The following MAGT1 variants were observed in gnomAD, a reference collection of about 807,000 sequenced individuals.
MAGT1 encodes dolichyl-diphosphooligosaccharide--protein glycosyltransferase subunit MAGT1.
MAGT1 carries 4 observed loss-of-function variants against 28.4 expected under a neutral mutation model. The observed-to-expected ratio is 0.14, with a 90% CI of 0.07 to 0.32. The LOEUF (loss-of-function observed/expected upper bound fraction) is 0.32, where lower values mean the gene tolerates loss of function less well. Ranked by LOEUF, MAGT1 falls within the 10% of genes least tolerant of loss-of-function variation. MAGT1 has a pLI of 1.00. For missense variants in MAGT1, 193 were observed against 264.5 expected (o/e 0.73, Z 1.88); for synonymous variants, 89 against 89.7 (o/e 0.99, Z 0.04).
intron 8 of MAGT1, among the ~76,000 whole-genome samples, chrX:77,832,447 T>C (rs1172332792): frequency 9.0e-6 from 1 of 111,293 alleles, no homozygotes; most frequent in Non-Finnish European, 1.9e-5. Context: ...CATGATGTTT[T>C]AAGGAAGTTG....
Position 77,880,000 on chromosome X carries a change from G to A in MAGT1, c.103-4403C>T, listed in dbSNP as rs781900419. ...ATTACAGGAACGCACTACCACCCCCGGCTAATTTTTGTGTTTTTAGTAGGG... is the reference window on the plus strand; with the variant it reads ...ATTACAGGAACGCACTACCACCCCCAGCTAATTTTTGTGTTTTTAGTAGGG... On this transcript the variant is annotated intron_variant, in intron 1 of 9. Coordinates refer to ENST00000618282, the MANE Select transcript of MAGT1 (RefSeq NM_001367916.1). Among the ~76,000 whole-genome samples the A allele has an allele frequency of 7.6e-5, 8 of 104,622 alleles. No homozygotes were observed. In the South Asian group the frequency reaches 1.4e-3, roughly 18 times the overall value. 90.9% of individuals were successfully genotyped at this position (104,622 alleles called of 115,157 possible).
chrX:77,883,070 A>C (rs977327054), intron 1 of MAGT1, among the ~76,000 whole-genome samples: 2 of 101,269 alleles, frequency 2.0e-5, no homozygotes, highest in South Asian at 3.9e-4. Context: ...ATAATAATAT[A>C]ATATAATTAT....
At chrX:77,846,821 T>C (rs1422850541) in intron 7 of MAGT1, among the ~76,000 whole-genome samples, 1 of 111,684 alleles carries the variant, frequency 9.0e-6, no homozygotes, top group Admixed American at 9.5e-5. Context: ...TACCCGGCTG[T>C]GTGAGGTGTC....
intron 6 of MAGT1, among the ~76,000 whole-genome samples, 195 bp from the exon 7 acceptor site, chrX:77,854,159 G>A (rs2076975638): frequency 9.0e-6 from 1 of 111,579 alleles, no homozygotes; most frequent in Non-Finnish European, 1.9e-5. Context: ...TTCTCGATTT[G>A]TCTTTTCATT....
chrX:77,871,913 G>T (rs1315781382), intron 2 of MAGT1, among the ~76,000 whole-genome samples: 2 of 111,119 alleles, frequency 1.8e-5, no homozygotes, highest in Admixed American at 1.9e-4. Context: ...CAGTTCTCAT[G>T]ATCTGTCAAT....
chrX:77,856,432 C>T (rs1052546348), intron 5 of MAGT1: 14 of 186,229 alleles, frequency 7.5e-5, no homozygotes, highest in Non-Finnish European at 1.1e-4. Flanking sequence ...ACCAAGACTC[C>T]GCCTCAAAGA....
Position 77,856,855 on chromosome X carries a change from G to A in MAGT1, c.550C>T (p.Pro184Ser), listed in dbSNP as rs1483641448. The part of the protein sequence containing the change: ...TDVNIRVIRP[P>S]NYAGPLMLGL... The stretch of plus-strand genomic sequence containing the variant: ...AACATAAGGGGACCAGCATAATTTG[G>A]GGGTCTAATCACTCTAATCTAATGG... The change falls in exon 5 of 10, where the codon CCA becomes TCA. Residue 184 changes from proline to serine, a missense_variant. By Grantham distance (74) the Pro-to-Ser change is moderately conservative. Transcript: ENST00000618282. 1 of 1,208,215 alleles carries A rather than the reference G, an allele frequency of 8.3e-7. No individual in the cohort carries two copies. The highest frequency in any genetic ancestry group is 1.8e-5 in the South Asian group (1 of 56,660).
At chrX:77,830,782 T>A in intron 9 of MAGT1, 23 bp downstream of exon 9, 1 of 947,567 alleles carries the variant, frequency 1.1e-6, no homozygotes, top group Non-Finnish European at 1.5e-6. Context: ...AATCACTGTA[T>A]AAACAAAAAA....
At chrX:77,839,089 G>A (rs1286468867) in intron 8 of MAGT1, among the ~76,000 whole-genome samples, 1 of 108,721 alleles carries the variant, frequency 9.2e-6, no homozygotes, top group Non-Finnish European at 1.9e-5. Flanking sequence ...GGATCACGAC[G>A]TCAGGAGATC....
At chrX:77,849,377 GC>G (rs1303380630) in intron 7 of MAGT1, among the ~76,000 whole-genome samples, 7 of 110,203 alleles carry the variant, frequency 6.4e-5, no homozygotes, top group Non-Finnish European at 1.3e-4. Context: ...ACCGCACCCA[GC>G]CCTGTAGGAT....
chrX:77,831,912 A>G (rs2076899750), intron 8 of MAGT1, among the ~76,000 whole-genome samples: 1 of 111,626 alleles, frequency 9.0e-6, no homozygotes, highest in Non-Finnish European at 1.9e-5. Context: ...ATTGAACTTT[A>G]AAACCCCTAA....
chrX:77,854,001 A>G (rs781958418), intron 6 of MAGT1, 37 bp from the exon 7 acceptor site: 8 of 1,040,723 alleles, frequency 7.7e-6, no homozygotes, highest in Admixed American at 2.2e-5. Flanking sequence ...ATCTTTAAGT[A>G]TACATTAAAT....
intron 1 of MAGT1, among the ~76,000 whole-genome samples, chrX:77,883,199 C>T (rs1319804378): frequency 2.9e-5 from 3 of 103,665 alleles, no homozygotes; most frequent in Non-Finnish European, 5.8e-5. Context: ...TGAGTAGTGC[C>T]GCAGTAAACA....
intron 1 of MAGT1, among the ~76,000 whole-genome samples, chrX:77,884,761 T>A (rs2077062490): frequency 1.0e-5 from 1 of 99,214 alleles, no homozygotes; most frequent in Non-Finnish European, 2.0e-5. Flanking sequence ...GGGAGCAAAA[T>A]CACCCCCAAT....
chrX:77,890,752 C>T (rs1309708637), intron 1 of MAGT1, among the ~76,000 whole-genome samples: 5 of 111,592 alleles, frequency 4.5e-5, no homozygotes, highest in Non-Finnish European at 9.4e-5. Flanking sequence ...ACTTCACATC[C>T]CTCATCTCAT....
Position 77,854,003 on chromosome X carries a change from A to G in MAGT1, c.763-39T>C, listed in dbSNP as rs782038579. ...AAGACAAAATGGAATCTTTAAGTAT[A>G]CATTAAATGTTGGTATGCTAACCCT... On this transcript the variant is annotated intron_variant, in intron 6 of 9. Coordinates refer to ENST00000618282, the MANE Select transcript of MAGT1 (RefSeq NM_001367916.1). 4.6e-5 allele frequency: 48 copies of G among 1,035,285 alleles called. 1 individual carries two copies. In the South Asian group the frequency reaches 9.1e-4, roughly 20 times the overall value. The allele number at this position is 1,035,285 out of a possible 1,213,427, so 85.3% of individuals were successfully genotyped here.
chrX:77,838,488 G>C lies in MAGT1; in HGVS notation c.901+2758C>G, dbSNP rs539432829. On this transcript the variant is annotated intron_variant, in intron 8 of 9. Transcript: ENST00000618282. ...AAAAAAAAAATGTCCAGCTGAGCACGGTGGCTCACGCCTATAATCCCAGAA... is the reference window on the plus strand; with the variant it reads ...AAAAAAAAAATGTCCAGCTGAGCACCGTGGCTCACGCCTATAATCCCAGAA... Among the ~76,000 whole-genome samples, 3 of 109,692 alleles carry C rather than the reference G, an allele frequency of 2.7e-5. No individual in the cohort carries two copies. The East Asian group carries it at 8.6e-4, about 31-fold the overall frequency.
chrX:77,895,208 G>A, intron 1 of MAGT1, 101 bp downstream of exon 1: 9 of 908,643 alleles, frequency 9.9e-6, no homozygotes, highest in Middle Eastern at 2.8e-4. Flanking sequence ...GCCACCAAAG[G>A]CATAGAAGCG....
rs2077018776 is a variant in MAGT1 at position 77,870,860 on chromosome X, C to T, written c.338G>A (p.Arg113Lys). 8.3e-7 allele frequency: 1 copy of T among 1,210,581 alleles called. No homozygotes were observed. The highest frequency in any genetic ancestry group is 2.3e-4 in the Middle Eastern group (1 of 4,348). ...AAAATCCACCATGGCAAAAAATATCCTGTTGGTGAATGCACTGGAGTATCG... is the reference window on the plus strand; with the variant it reads ...AAAATCCACCATGGCAAAAAATATCTTGTTGGTGAATGCACTGGAGTATCG... ...SWRYSSAFTN[R>K]IFFAMVDFDE... is the part of the protein sequence containing the mutation. The change falls in exon 3 of 10, where the codon AGG becomes AAG. Residue 113 changes from arginine (R) to lysine (K), a missense_variant. By Grantham distance (26) the Arg-to-Lys change is conservative. Transcript: ENST00000618282.
Sources: allele counts gnomAD v4.1 joint callset (sites outside exome capture counted in the v4.1 genomes callset), GRCh38; gene constraint gnomAD v4.1.1; transcripts MANE v1.5; gene names NCBI Gene and HGNC (gene_info 2026-07-23, HGNC 2026-07-21).